Variants in RBFOX3 observed in about 807,000 individuals in gnomAD.
RBFOX3 encodes RNA binding fox-1 homolog 3, also known as RNA binding protein fox-1 homolog 3.
In RBFOX3, 17 loss-of-function variants were observed where a neutral mutation model predicts 48.7. That is an observed-to-expected ratio of 0.35 (90% CI 0.24 to 0.52). RBFOX3 has a LOEUF of 0.52. RBFOX3 is among the 20% of genes least tolerant of loss of function. The pLI, the probability that RBFOX3 is intolerant of heterozygous loss-of-function variation, is 0.94. For synonymous variants in RBFOX3, 212 were observed against 209.5 expected, an observed-to-expected ratio of 1.01 and a Z score of -0.10; for missense variants, 382 against 497.5, an observed-to-expected ratio of 0.77 and a Z score of 2.21.
intron 2 of RBFOX3, among the ~76,000 whole-genome samples, chr17:79,395,562 G>A (rs539522881): frequency 2.0e-5 from 3 of 152,338 alleles, no homozygotes; most frequent in East Asian, 3.9e-4. Context: ...AGTGGACAGC[G>A]AGGTTCCCTT....
chr17:79,466,364 A>G (rs1157420479), intron 2 of RBFOX3, among the ~76,000 whole-genome samples: 2 of 152,326 alleles, frequency 1.3e-5, no homozygotes, highest in South Asian at 2.1e-4. Context: ...AAGCTGCCCC[A>G]GATAGGTGGG....
At chr17:79,347,853 T>C (rs1262768105) in intron 2 of RBFOX3, among the ~76,000 whole-genome samples, 2 of 152,304 alleles carry the variant, frequency 1.3e-5, no homozygotes, top group East Asian at 3.9e-4. Context: ...GTTTGTTGCC[T>C]TAAAAAAAAT....
At chr17:79,213,008 GTAATGCCCAGC>G (rs2058580617) in intron 4 of RBFOX3, among the ~76,000 whole-genome samples, 2 of 151,702 alleles carry the variant, frequency 1.3e-5, no homozygotes, top group South Asian at 4.2e-4. Flanking sequence ...GCATGCGCCT[GTAATGCCCAGC>G]TAATTTTTTG....
chr17:79,138,973 A>G (rs1313780209), intron 4 of RBFOX3, among the ~76,000 whole-genome samples: 1 of 129,476 alleles, frequency 7.7e-6, no homozygotes, highest in East Asian at 2.4e-4. Context: ...CACACAGCAC[A>G]TGCGTTCACA....
chr17:79,412,017 ATGT>A (rs1439325821), intron 2 of RBFOX3, among the ~76,000 whole-genome samples: 1 of 151,224 alleles, frequency 6.6e-6, no homozygotes, highest in African/African-American at 2.4e-5. Flanking sequence ...ATGTATGCAC[ATGT>A]TGTGTATATG....
chr17:79,325,718 C>T (rs527978828), intron 2 of RBFOX3, among the ~76,000 whole-genome samples: 4 of 152,194 alleles, frequency 2.6e-5, no homozygotes, highest in African/African-American at 4.8e-5. Flanking sequence ...CTTTCCCTAC[C>T]TCCCCCTCCG....
chr17:79,463,507 C>T (rs1400338469), intron 2 of RBFOX3, among the ~76,000 whole-genome samples: 4 of 139,030 alleles, frequency 2.9e-5, no homozygotes, highest in East Asian at 4.5e-4. Flanking sequence ...CTGCCATCGC[C>T]ACTGCCACCT....
At chr17:79,626,145 G>A in the RBFOX3 span, among the ~76,000 whole-genome samples, 104 of 152,258 alleles carry the variant, frequency 6.8e-4, no homozygotes, top group Middle Eastern at 3.4e-3. Context: ...CACAGGAAGT[G>A]GGGGGAGGAT....
At chr17:79,557,602 C>A (rs1449104324) in intron 1 of RBFOX3, among the ~76,000 whole-genome samples, 2 of 152,198 alleles carry the variant, frequency 1.3e-5, no homozygotes, top group East Asian at 3.8e-4. Context: ...TTCATAGGTG[C>A]CACCAAATTA....
intron 1 of RBFOX3, among the ~76,000 whole-genome samples, chr17:79,609,413 G>A (rs1400328944): frequency 1.3e-5 from 2 of 152,194 alleles, no homozygotes; most frequent in Non-Finnish European, 2.9e-5. Context: ...AGCTGGGGCA[G>A]GAAGGGGGAC....
intron 3 of RBFOX3, among the ~76,000 whole-genome samples, chr17:79,303,371 G>A (rs1568006802): frequency 1.3e-5 from 2 of 152,154 alleles, no homozygotes; most frequent in African/African-American, 4.8e-5. Context: ...CATCGTCTGA[G>A]TGGTCTTGGG....
Position 79,481,793 on chromosome 17 carries a change from G to A in RBFOX3, c.-175+661C>T, listed in dbSNP as rs1390481316. ...AGTGTAGTGCTTTTTTGTTGCTGTC[G>A]TTCTGTGAACTGTAGCAAATTATCA... On this transcript the variant is annotated intron_variant, in intron 2 of 14. Coordinates refer to ENST00000693108, the MANE Select transcript of RBFOX3 (RefSeq NM_001350451.2). The surrounding 1 kb of genome is among the most constrained non-coding windows in gnomAD (Gnocchi z 5.4). Among the ~76,000 whole-genome samples the A allele has an allele frequency of 9.9e-5, 15 of 152,118 alleles. No homozygotes were observed. The highest frequency in any genetic ancestry group is 1.6e-4 in the Non-Finnish European group (11 of 68,016).
rs1471368799 is a variant in RBFOX3, at chr17:79,103,578, C to G, written c.415-324G>C. Reference sequence around the variant, plus strand: ...ACGCCATACCTGACCACAGGCCAGGCCTGCCCCCTGAACCCCACCTTGGGG... The same window carrying G: ...ACGCCATACCTGACCACAGGCCAGGGCTGCCCCCTGAACCCCACCTTGGGG... On this transcript the variant is annotated intron_variant, in intron 7 of 14. Transcript: ENST00000693108. This position sits in a 1 kb window ranked among gnomAD's most constrained non-coding sequence, Gnocchi z 6.1. 6.6e-6 allele frequency among the ~76,000 whole-genome samples: 1 copy of G among 152,168 alleles called. No individual in the cohort carries two copies. The highest frequency in any genetic ancestry group is 2.4e-5 in the African/African-American group (1 of 41,446).
At chr17:79,540,222 G>A (rs185406576) in intron 1 of RBFOX3, among the ~76,000 whole-genome samples, 2 of 152,332 alleles carry the variant, frequency 1.3e-5, no homozygotes, top group East Asian at 3.9e-4. Context: ...AGCAGATGCT[G>A]ATATTCAGCG....
intron 2 of RBFOX3, among the ~76,000 whole-genome samples, chr17:79,381,714 A>G (rs4789894): frequency 0.78 from 119,201 of 152,138 alleles, 46,747 homozygotes; most frequent in Middle Eastern, 0.87. Flanking sequence ...TAGGGGAATC[A>G]CCCCTCTTTT....
intron 1 of RBFOX3, among the ~76,000 whole-genome samples, chr17:79,604,450 A>C (rs2093781607): frequency 7.1e-6 from 1 of 140,636 alleles, no homozygotes; most frequent in South Asian, 2.6e-4. Flanking sequence ...AAAAGCTACA[A>C]AGCCCTTCTT....
rs932158012 is a variant in RBFOX3, at chr17:79,477,148, T to G, written c.-175+5306A>C. On this transcript the variant is annotated intron_variant, in intron 2 of 14. Coordinates refer to ENST00000693108, the MANE Select transcript of RBFOX3 (RefSeq NM_001350451.2). The surrounding 1 kb of genome is among the most constrained non-coding windows in gnomAD (Gnocchi z 4.8). ...CTCGGGAAGCTGAGGCAGGAGAATC[T>G]CTTAAACCCAGGAGGTAGAGGTTGC... 2.9e-4 allele frequency among the ~76,000 whole-genome samples: 41 copies of G among 143,422 alleles called. No individual in the cohort carries two copies. Among genetic ancestry groups the G allele is most frequent in the African/African-American group, 1.0e-3 (40 of 38,494 alleles). 94.1% of individuals were successfully genotyped at this position (143,422 alleles called of 152,430 possible). A position where few individuals can be genotyped will look rare whatever the true frequency, so the allele number is the denominator to read the frequency against.
At chr17:79,467,569 C>G (rs1393064165) in intron 2 of RBFOX3, among the ~76,000 whole-genome samples, 1 of 152,170 alleles carries the variant, frequency 6.6e-6, no homozygotes, top group Non-Finnish European at 1.5e-5. Context: ...CTCTGCCTGC[C>G]TGACAGAGAG....
chr17:79,656,749 AGAAGGAAGGAAG>A, the RBFOX3 span, among the ~76,000 whole-genome samples: 162 of 51,874 alleles, frequency 3.1e-3, 6 homozygotes, highest in East Asian at 7.6e-3. Context: ...AAAGAAAGAA[AGAAGGAAGGAAG>A]GAAGGAAGGA....
Sources: allele counts gnomAD v4.1 joint callset (sites outside exome capture counted in the v4.1 genomes callset), GRCh38; gene constraint gnomAD v4.1.1; non-coding constraint Gnocchi (gnomAD v3.1); transcripts MANE v1.5; gene names NCBI Gene and HGNC (gene_info 2026-07-23, HGNC 2026-07-21).